TAFA2: variants seen among roughly 807,000 people sequenced by gnomAD.
TAFA2 encodes chemokine-like protein TAFA-2.
In TAFA2, 7 loss-of-function variants were observed where a neutral mutation model predicts 18.8. That is an observed-to-expected ratio of 0.37 (90% confidence interval 0.21 to 0.70). The LOEUF is 0.70. TAFA2 is among the 30% of genes least tolerant of loss of function. TAFA2 has a pLI of 0.53. For missense variants in TAFA2, 122 were observed against 158.1 expected (o/e 0.77, Z 1.23); for synonymous variants, 60 against 54.2 (o/e 1.11, Z -0.47).
chr12:61,740,772 G>A (rs1395819810), intron 4 of TAFA2, among the ~76,000 whole-genome samples: 1 of 151,428 alleles, frequency 6.6e-6, no homozygotes, highest in Non-Finnish European at 1.5e-5. Flanking sequence ...CCAATGGTAA[G>A]CAGAACCTCA....
chr12:62,010,599 G>A (rs551978417), intron 1 of TAFA2, among the ~76,000 whole-genome samples: 135 of 152,170 alleles, frequency 8.9e-4, no homozygotes, highest in African/African-American at 2.6e-3. Context: ...AGTGGAGAGC[G>A]TCTCTGCCTG....
intron 1 of TAFA2, among the ~76,000 whole-genome samples, chr12:61,968,112 G>A (rs144547541): frequency 2.6e-5 from 4 of 151,898 alleles, no homozygotes; most frequent in East Asian, 1.9e-4. Flanking sequence ...CTTCTAGATA[G>A]CAGTAGAAAA....
At chr12:62,134,457 G>T (rs1870815684) in intron 1 of TAFA2, among the ~76,000 whole-genome samples, 1 of 151,936 alleles carries the variant, frequency 6.6e-6, no homozygotes, top group Non-Finnish European at 1.5e-5. Flanking sequence ...AAACCAAGAA[G>T]ATGGCCATCA....
chr12:62,116,549 A>G (rs1440419304), intron 1 of TAFA2, among the ~76,000 whole-genome samples: 1 of 152,200 alleles, frequency 6.6e-6, no homozygotes, highest in Non-Finnish European at 1.5e-5. Context: ...GGAAGCCTTT[A>G]GTCCTCAATA....
At chr12:62,078,164 T>C (rs1350613846) in intron 1 of TAFA2, among the ~76,000 whole-genome samples, 1 of 151,898 alleles carries the variant, frequency 6.6e-6, no homozygotes. Flanking sequence ...CCCTCTTACC[T>C]CCCTTAACAA....
chr12:62,220,404 C>T (rs564667467), intron 1 of TAFA2, among the ~76,000 whole-genome samples: 2 of 152,246 alleles, frequency 1.3e-5, no homozygotes, highest in Non-Finnish European at 2.9e-5. Flanking sequence ...ACCCCAAATC[C>T]TGGTGAGGAT....
intron 1 of TAFA2, among the ~76,000 whole-genome samples, chr12:62,055,296 C>T (rs1429347789): frequency 1.3e-5 from 2 of 152,102 alleles, no homozygotes; most frequent in Admixed American, 6.5e-5. Flanking sequence ...CCCAAACAGA[C>T]TAAGATAACT....
chr12:62,182,829 A>G (rs962512835), intron 1 of TAFA2, among the ~76,000 whole-genome samples: 3 of 152,232 alleles, frequency 2.0e-5, no homozygotes, highest in South Asian at 2.1e-4. Context: ...ATATTTAACT[A>G]TTTTAATTAT....
intron 2 of TAFA2, among the ~76,000 whole-genome samples, chr12:61,769,359 G>A (rs1478117190): frequency 6.6e-6 from 1 of 151,878 alleles, no homozygotes; most frequent in Non-Finnish European, 1.5e-5. Context: ...ACTAGTGCAA[G>A]CCTGTAACCT....
chr12:61,812,570 CTTT>C (rs748488387), intron 2 of TAFA2, among the ~76,000 whole-genome samples: 8 of 140,008 alleles, frequency 5.7e-5, no homozygotes, highest in Non-Finnish European at 9.3e-5. Flanking sequence ...ATGTTCCCAT[CTTT>C]TTTTTTTTTT....
chr12:62,190,726 T>C (rs967730841), intron 1 of TAFA2, among the ~76,000 whole-genome samples: 8 of 152,104 alleles, frequency 5.3e-5, no homozygotes, highest in East Asian at 1.9e-4. Flanking sequence ...GATAAATCAA[T>C]AGACTCGCTG....
chr12:61,863,998 T>C (rs1206167969), intron 2 of TAFA2, among the ~76,000 whole-genome samples: 2 of 152,092 alleles, frequency 1.3e-5, no homozygotes, highest in African/African-American at 4.8e-5. Flanking sequence ...TGAGACTCTA[T>C]TTGTGCTTAG....
At chr12:61,819,316 T>G (rs968493813) in intron 2 of TAFA2, among the ~76,000 whole-genome samples, 1 of 152,196 alleles carries the variant, frequency 6.6e-6, no homozygotes, top group African/African-American at 2.4e-5. Context: ...CTTCAAAGAA[T>G]GTATTTTTAA....
chr12:61,963,886 G>A (rs1431608510), intron 1 of TAFA2, among the ~76,000 whole-genome samples: 1 of 151,872 alleles, frequency 6.6e-6, no homozygotes, highest in African/African-American at 2.4e-5. Flanking sequence ...CAGATATATA[G>A]ACCAATGGAA....
chr12:61,825,475 T>C (rs1321353162), intron 2 of TAFA2, among the ~76,000 whole-genome samples: 1 of 152,018 alleles, frequency 6.6e-6, no homozygotes, highest in Non-Finnish European at 1.5e-5. Context: ...AACAGGGTAT[T>C]TGAGGAGGAG....
intron 4 of TAFA2, among the ~76,000 whole-genome samples, chr12:61,741,972 C>A (rs1332240617): frequency 6.6e-6 from 1 of 152,118 alleles, no homozygotes; most frequent in East Asian, 1.9e-4. Context: ...TCTCAGCTCA[C>A]TGTAGCCTCC....
At chr12:61,716,389 A>T (rs569223872) in intron 4 of TAFA2, among the ~76,000 whole-genome samples, 4 of 152,126 alleles carry the variant, frequency 2.6e-5, no homozygotes, top group Non-Finnish European at 4.4e-5. Context: ...TTATTATGCC[A>T]AAAAAATGCA....
At chr12:61,887,830 A>G (rs921289845) in intron 1 of TAFA2, among the ~76,000 whole-genome samples, 3 of 151,464 alleles carry the variant, frequency 2.0e-5, no homozygotes, top group African/African-American at 7.3e-5. Flanking sequence ...AATCCAGTCT[A>G]TCGTTGTTGG....
At chr12:62,171,084 T>C (rs115273053) in intron 1 of TAFA2, among the ~76,000 whole-genome samples, 1,765 of 152,198 alleles carry the variant, frequency 0.012, 29 homozygotes, top group African/African-American at 0.035. Context: ...ATTGTGACAC[T>C]TTAAATGTAA....
Sources: allele counts gnomAD v4.1 joint callset (sites outside exome capture counted in the v4.1 genomes callset), GRCh38; gene constraint gnomAD v4.1.1; transcripts MANE v1.5; gene names NCBI Gene and HGNC (gene_info 2026-07-23, HGNC 2026-07-21).